CXADR: variants seen among roughly 807,000 people sequenced by gnomAD.
CXADR encodes the protein CXADR cell adhesion molecule.
A neutral mutation model predicts 40.3 loss-of-function variants in CXADR; 20 were observed. That is an observed-to-expected ratio of 0.50 (90% CI 0.35 to 0.72). The LOEUF (loss-of-function observed/expected upper bound fraction) is 0.72, where lower values mean the gene tolerates loss of function less well. Ranked by LOEUF, CXADR falls within the 30% of genes least tolerant of loss-of-function variation. The pLI, the probability that CXADR is intolerant of heterozygous loss-of-function variation, is 0.01. For missense variants in CXADR, 332 were observed against 449.1 expected (o/e 0.74, Z 2.36); for synonymous variants, 150 against 161.3 (o/e 0.93, Z 0.53).
the CXADR span, among the ~76,000 whole-genome samples, chr21:17,617,894 G>C: frequency 6.6e-6 from 1 of 152,158 alleles, no homozygotes; most frequent in Non-Finnish European, 1.5e-5. Context: ...TTGTGATGTT[G>C]TTTGGTAGCA....
Position 17,534,007 on chromosome 21 carries a change from A to AATATAT in CXADR, c.44-13004_44-12999dup, listed in dbSNP as rs5842646. On this transcript the variant is annotated intron_variant, in intron 1 of 6. Transcript: ENST00000284878. The stretch of plus-strand genomic sequence containing the variant: ...CCTGTATTTTCTTCTCTTTCTCAGC[A>AATATAT]ATATATATATATATATATATAGCTA... Among the ~76,000 whole-genome samples the AATATAT allele has an allele frequency of 2.9e-3, 259 of 87,890 alleles. 9 individuals carry two copies. The East Asian group carries it at 0.067, about 23-fold the overall frequency. The allele number at this position is 87,890 out of a possible 152,430, so 57.7% of individuals were successfully genotyped here.
intron 1 of CXADR, among the ~76,000 whole-genome samples, chr21:17,538,159 G>C (rs752575934): frequency 6.6e-6 from 1 of 151,950 alleles, no homozygotes; most frequent in Non-Finnish European, 1.5e-5. Flanking sequence ...GTGCCACCAC[G>C]TCCGGCTAAT....
chr21:17,553,080 G>A (rs998635929), intron 3 of CXADR, among the ~76,000 whole-genome samples: 1 of 152,024 alleles, frequency 6.6e-6, no homozygotes, highest in South Asian at 2.1e-4. Context: ...GCACCACCAC[G>A]CCTGGCTAAT....
At chr21:17,588,842 G>A (rs2061415372) in intron 7 of CXADR, among the ~76,000 whole-genome samples, 1 of 151,852 alleles carries the variant, frequency 6.6e-6, no homozygotes, top group Admixed American at 6.6e-5. Context: ...ATTTTGCTGG[G>A]ATTTTAAAAT....
rs559458863 is a variant in CXADR at position 17,561,599 on chromosome 21, G to A, written c.833+123G>A. On this transcript the variant is annotated intron_variant, in intron 6 of 6. Coordinates refer to ENST00000284878, the MANE Select transcript of CXADR (RefSeq NM_001338.5). ...AGGAGAATGGGTAAAAGCTCTGGCC[G>A]CCTTCTCAATACATTTGAAAGCATT... 3.1e-5 allele frequency: 24 copies of A among 769,440 alleles called. 2 individuals are homozygous for A. The highest frequency in any genetic ancestry group is 2.3e-4 in the African/African-American group (13 of 55,638). The allele number at this position is 769,440 out of a possible 1,614,324, so 47.7% of individuals were successfully genotyped here.
At chr21:17,529,631 A>G (rs2060644869) in intron 1 of CXADR, among the ~76,000 whole-genome samples, 3 of 152,088 alleles carry the variant, frequency 2.0e-5, no homozygotes. Context: ...GCCTTTTTGA[A>G]TTAAGTACAT....
At chr21:17,558,233 ATCC>A (rs1036083107) in intron 3 of CXADR, among the ~76,000 whole-genome samples, 114 of 151,960 alleles carry the variant, frequency 7.5e-4, no homozygotes, top group African/African-American at 2.4e-3. Context: ...GTCTCAAGTC[ATCC>A]TCCTACCCCA....
At chr21:17,593,132 CTCTT>C (rs764175393) in intron 7 of CXADR, 105 of 1,398,492 alleles carry the variant, frequency 7.5e-5, no homozygotes, top group South Asian at 8.7e-5. Flanking sequence ...ATAGAGATAT[CTCTT>C]TTTTTCTTTT....
intron 1 of CXADR, among the ~76,000 whole-genome samples, chr21:17,533,457 T>G (rs760342857): frequency 6.6e-6 from 1 of 152,202 alleles, no homozygotes; most frequent in Non-Finnish European, 1.5e-5. Context: ...TTGTATGATG[T>G]TCGTGGATTG....
At chr21:17,555,263 T>C (rs2061019885) in intron 3 of CXADR, among the ~76,000 whole-genome samples, 1 of 152,194 alleles carries the variant, frequency 6.6e-6, no homozygotes, top group Non-Finnish European at 1.5e-5. Context: ...ATACTCCCAC[T>C]GCACCATGCC....
the CXADR span, among the ~76,000 whole-genome samples, chr21:17,630,097 C>T: frequency 6.6e-6 from 1 of 151,938 alleles, no homozygotes; most frequent in Admixed American, 6.5e-5. Context: ...CAAGGCTACC[C>T]AAAAATATAT....
chr21:17,626,894 T>C, the CXADR span: 2 of 152,126 alleles, frequency 1.3e-5, no homozygotes, highest in African/African-American at 4.8e-5. Flanking sequence ...ATCATATAGG[T>C]AAAGAAATTG....
chr21:17,518,845 A>G (rs1271150830), intron 1 of CXADR: 7 of 1,562,152 alleles, frequency 4.5e-6, no homozygotes, highest in South Asian at 1.1e-5. Context: ...AATACCAACT[A>G]TATTATTCAC....
At chr21:17,525,635 GA>G (rs2123139489) in intron 1 of CXADR, among the ~76,000 whole-genome samples, 1 of 152,364 alleles carries the variant, frequency 6.6e-6, no homozygotes, top group African/African-American at 2.4e-5. Context: ...TCTGCAGGAA[GA>G]ATTGAGAAGA....
chr21:17,610,743 G>A, the CXADR span, among the ~76,000 whole-genome samples: 1 of 152,264 alleles, frequency 6.6e-6, no homozygotes, highest in South Asian at 2.1e-4. Flanking sequence ...AAAACATACA[G>A]CCTCTGCTAT....
intron 1 of CXADR, among the ~76,000 whole-genome samples, chr21:17,537,285 T>C (rs2060770758): frequency 6.6e-6 from 1 of 152,250 alleles, no homozygotes; most frequent in Non-Finnish European, 1.5e-5. Flanking sequence ...TCAATTTTTT[T>C]CACTATTTGT....
chr21:17,571,091 G>A (rs1380139866), downstream of CXADR, among the ~76,000 whole-genome samples: 5 of 152,116 alleles, frequency 3.3e-5, no homozygotes, highest in African/African-American at 7.2e-5. Flanking sequence ...CCCTGGGGTC[G>A]GAGCCAAATC....
chr21:17,606,438 T>C, the CXADR span, among the ~76,000 whole-genome samples: 2 of 152,180 alleles, frequency 1.3e-5, no homozygotes, highest in East Asian at 1.9e-4. Context: ...AAATACTGCT[T>C]AGTCCTTTTA....
chr21:17,569,789 T>C lies in CXADR; in HGVS notation c.*4097T>C, dbSNP rs542886466. The C allele has an allele frequency of 5.1e-6, 5 of 985,338 alleles. No homozygotes were observed. The African/African-American group carries it at 8.7e-5, about 17-fold the overall frequency. 61.0% of individuals were successfully genotyped at this position (985,338 alleles called of 1,614,324 possible). ...TAAAAGCTCCATCAAAACAGAACTT[T>C]GTGTTTTCTGCTAACTTATTTAATG... On this transcript the variant is annotated 3_prime_UTR_variant, in exon 7 of 7. Coordinates refer to ENST00000284878, the MANE Select transcript of CXADR (RefSeq NM_001338.5).
Sources: gnomAD v4.1 joint callset for allele counts (sites outside exome capture counted in the v4.1 genomes callset) on GRCh38, gnomAD v4.1.1 for gene constraint, MANE v1.5 for transcripts, NCBI Gene and HGNC (gene_info 2026-07-23, HGNC 2026-07-21) for gene names.